The following NEMP2 variants were observed in gnomAD, a reference collection of about 807,000 sequenced individuals.
NEMP2 encodes the protein nuclear envelope integral membrane protein 2, also known as UPF0571 transmembrane protein.
In NEMP2, 53 loss-of-function variants were observed where a neutral mutation model predicts 54.2. The observed-to-expected ratio is 0.98, with a 90% confidence interval of 0.78 to 1.23. The LOEUF (loss-of-function observed/expected upper bound fraction) is 1.23, where lower values mean the gene tolerates loss of function less well. NEMP2 is among the 50% of genes most tolerant of loss of function. The pLI is 0.00. For missense variants in NEMP2, 455 were observed against 511.3 expected (o/e 0.89, Z 1.06); for synonymous variants, 197 against 190.3 (o/e 1.04, Z -0.29).
Position 190,527,466 on chromosome 2 carries a change from C to T in NEMP2, c.98-2088G>A, listed in dbSNP as rs1559166849. ...GTGGCCACACGAAGCAGCAAAATTA[C>T]ACAAGGACCCAACGTATTCAACTGT... is the stretch of plus-strand genomic sequence containing the variant. On this transcript the variant is annotated intron_variant, in intron 1 of 8. Transcript: ENST00000409150. This position sits in a 1 kb window ranked among gnomAD's most constrained non-coding sequence, Gnocchi z 4.0. Among the ~76,000 whole-genome samples the T allele has an allele frequency of 6.6e-6, 1 of 152,300 alleles. No individual in the cohort carries two copies. Among genetic ancestry groups the T allele is most frequent in the East Asian group, 1.9e-4 (1 of 5,188 alleles).
chr2:190,434,182 C>CAAAAAAAAAAAAAAA, the NEMP2 span, among the ~76,000 whole-genome samples: 1 of 129,790 alleles, frequency 7.7e-6, no homozygotes. This position sits in a 1 kb window ranked among gnomAD's most constrained non-coding sequence, Gnocchi z 4.3. Context: ...CCCTGTCTCT[C>CAAAAAAAAAAAAAAA]AAAAAAAAAA....
chr2:190,471,299 T>C, the NEMP2 span, among the ~76,000 whole-genome samples: 2 of 152,188 alleles, frequency 1.3e-5, no homozygotes, highest in Non-Finnish European at 2.9e-5. The surrounding 1 kb of genome is among the most constrained non-coding windows in gnomAD (Gnocchi z 4.7). Flanking sequence ...AGGCATCACC[T>C]CACCCAGGAA....
At chr2:190,496,446 G>T in the NEMP2 span, among the ~76,000 whole-genome samples, 1 of 152,124 alleles carries the variant, frequency 6.6e-6, no homozygotes, top group African/African-American at 2.4e-5. The surrounding 1 kb of genome is among the most constrained non-coding windows in gnomAD (Gnocchi z 4.7). Flanking sequence ...ACTAAAAGTA[G>T]AACTACCATT....
the NEMP2 span, among the ~76,000 whole-genome samples, chr2:190,570,784 T>C: frequency 2.6e-5 from 4 of 152,106 alleles, no homozygotes; most frequent in Non-Finnish European, 5.9e-5. This position sits in a 1 kb window ranked among gnomAD's most constrained non-coding sequence, Gnocchi z 5.4. Context: ...GCAGTACTAT[T>C]AGTTTGAGAG....
At chr2:190,493,599 C>A in the NEMP2 span, among the ~76,000 whole-genome samples, 1 of 152,160 alleles carries the variant, frequency 6.6e-6, no homozygotes, top group East Asian at 1.9e-4. Flanking sequence ...GGAACTTTCT[C>A]CAAGATAGAC....
rs1371063900 is a variant in NEMP2, at chr2:190,509,231, A to ACC, written c.1210_1211dup (p.Ala405ValfsTer21). ...TAAAGAGCTGCTCTTCCAAGAAGGC[A>ACC]CCCCCAAGGCCATACTGCTCTTCAT... is the stretch of plus-strand genomic sequence containing the variant. On this transcript the variant is annotated frameshift_variant, in exon 9 of 9. Transcript: ENST00000409150. LOFTEE classifies it high-confidence loss of function. The surrounding 1 kb of genome is among the most constrained non-coding windows in gnomAD (Gnocchi z 6.1). 1 of 1,551,658 alleles carries ACC rather than the reference A, an allele frequency of 6.4e-7. No homozygotes were observed. The highest frequency in any genetic ancestry group is 8.7e-7 in the Non-Finnish European group (1 of 1,146,988).
At position 190,522,886 on chromosome 2, in the gene NEMP2, A is replaced by T. The variant is rs10165897; in HGVS notation, c.213+2377T>A. Among the ~76,000 whole-genome samples, 1 of 151,862 alleles carries T rather than the reference A, an allele frequency of 6.6e-6. No individual in the cohort carries two copies. Among genetic ancestry groups the T allele is most frequent in the African/African-American group, 2.4e-5 (1 of 41,310 alleles). ...ACCCCTCTCTGCTTCAAGTTGTCCC[A>T]CCTTTCTGGACCTAACTAATGTATA... On this transcript the variant is annotated intron_variant, in intron 2 of 8. Coordinates refer to ENST00000409150, the MANE Select transcript of NEMP2 (RefSeq NM_001142645.2). This position sits in a 1 kb window ranked among gnomAD's most constrained non-coding sequence, Gnocchi z 5.0.
chr2:190,633,987 G>T, the NEMP2 span, among the ~76,000 whole-genome samples: 1 of 152,036 alleles, frequency 6.6e-6, no homozygotes, highest in African/African-American at 2.4e-5. Flanking sequence ...CAGGAAAATC[G>T]CTTGAACCCA....
At chr2:190,566,997 AAG>A in the NEMP2 span, among the ~76,000 whole-genome samples, 1 of 152,160 alleles carries the variant, frequency 6.6e-6, no homozygotes, top group Non-Finnish European at 1.5e-5. Context: ...TCTAACCTAA[AAG>A]AGAGGAGGAA....
chr2:190,557,288 A>G, the NEMP2 span, among the ~76,000 whole-genome samples: 2 of 152,362 alleles, frequency 1.3e-5, no homozygotes, highest in Non-Finnish European at 2.9e-5. Flanking sequence ...GAAAGCTGAA[A>G]TTGGATCCCT....
At chr2:190,547,345 T>C in the NEMP2 span, among the ~76,000 whole-genome samples, 10 of 152,200 alleles carry the variant, frequency 6.6e-5, no homozygotes, top group Non-Finnish European at 8.8e-5. This position sits in a 1 kb window ranked among gnomAD's most constrained non-coding sequence, Gnocchi z 6.2. Flanking sequence ...AAATGAGTTT[T>C]ATTCATTATT....
At chr2:190,637,643 A>G in the NEMP2 span, among the ~76,000 whole-genome samples, 39 of 152,288 alleles carry the variant, frequency 2.6e-4, no homozygotes, top group East Asian at 2.7e-3. The surrounding 1 kb of genome is among the most constrained non-coding windows in gnomAD (Gnocchi z 4.5). Flanking sequence ...TCATCCTTCC[A>G]GACCTGTCCA....
At chr2:190,438,724 G>C in the NEMP2 span, among the ~76,000 whole-genome samples, 1 of 152,216 alleles carries the variant, frequency 6.6e-6, no homozygotes, top group South Asian at 2.1e-4. The surrounding 1 kb of genome is among the most constrained non-coding windows in gnomAD (Gnocchi z 5.2). Context: ...GCAACCGTAT[G>C]TGTTTGTGTG....
the NEMP2 span, among the ~76,000 whole-genome samples, chr2:190,592,464 G>A: frequency 6.6e-6 from 1 of 152,176 alleles, no homozygotes; most frequent in Admixed American, 6.6e-5. This position sits in a 1 kb window ranked among gnomAD's most constrained non-coding sequence, Gnocchi z 4.4. Flanking sequence ...ATTTTGGAAT[G>A]TGAAAGCCAA....
chr2:190,588,180 GA>G, the NEMP2 span, among the ~76,000 whole-genome samples: 1 of 152,104 alleles, frequency 6.6e-6, no homozygotes, highest in Non-Finnish European at 1.5e-5. The surrounding 1 kb of genome is among the most constrained non-coding windows in gnomAD (Gnocchi z 5.0). Flanking sequence ...TTTGCAGTGG[GA>G]CCTGGTGGCT....
chr2:190,642,381 T>C, the NEMP2 span, among the ~76,000 whole-genome samples: 51 of 152,208 alleles, frequency 3.4e-4, no homozygotes, highest in Non-Finnish European at 5.3e-4. This position sits in a 1 kb window ranked among gnomAD's most constrained non-coding sequence, Gnocchi z 4.1. Context: ...AGGTAAACTT[T>C]ATAATCCTTT....
At chr2:190,430,798 G>A in the NEMP2 span, among the ~76,000 whole-genome samples, 8 of 121,298 alleles carry the variant, frequency 6.6e-5, no homozygotes, top group Non-Finnish European at 1.0e-4. Flanking sequence ...GGGCAGAGGC[G>A]CCCCCCCCAC....
chr2:190,423,957 T>C, the NEMP2 span, among the ~76,000 whole-genome samples: 1 of 152,238 alleles, frequency 6.6e-6, no homozygotes, highest in Admixed American at 6.5e-5. The surrounding 1 kb of genome is among the most constrained non-coding windows in gnomAD (Gnocchi z 4.3). Flanking sequence ...CAGTGAAATG[T>C]CCCTTCACGT....
the NEMP2 span, chr2:190,437,608 C>A: frequency 6.4e-7 from 1 of 1,567,902 alleles, no homozygotes; most frequent in South Asian, 1.2e-5. The surrounding 1 kb of genome is among the most constrained non-coding windows in gnomAD (Gnocchi z 5.9). Context: ...TGAACTTTAT[C>A]TTTTTATGGT....
Sources: gnomAD v4.1 joint callset for allele counts (sites outside exome capture counted in the v4.1 genomes callset) on GRCh38, gnomAD v4.1.1 for gene constraint, Gnocchi (gnomAD v3.1) non-coding constraint, MANE v1.5 for transcripts, NCBI Gene and HGNC (gene_info 2026-07-23, HGNC 2026-07-21) for gene names.